The following USP48 variants were observed in gnomAD, a reference collection of about 807,000 sequenced individuals.
The protein encoded by USP48 is ubiquitin carboxyl-terminal hydrolase 48.
USP48 carries 43 observed loss-of-function variants against 150.7 expected under a neutral mutation model. That is an observed-to-expected ratio of 0.29 (90% CI 0.22 to 0.37). USP48 has a LOEUF of 0.37. USP48 is among the 10% of genes least tolerant of loss of function. USP48 has a pLI of 1.00. For missense variants in USP48, 813 were observed against 1,249.6 expected, an observed-to-expected ratio of 0.65 and a Z score of 5.27; for synonymous variants, 396 against 425.9, an observed-to-expected ratio of 0.93 and a Z score of 0.86.
chr1:21,716,342 G>C lies in USP48; in HGVS notation c.1895-885C>G, dbSNP rs527971596. On this transcript the variant is annotated intron_variant, in intron 14 of 26. Transcript: ENST00000308271. ...TACAGTCAATCTGAGCACCAAGAGG[G>C]TTGCTAGGTGACCAGTCAGTAGCAT... is the stretch of plus-strand genomic sequence containing the variant. 3.9e-5 allele frequency among the ~76,000 whole-genome samples: 6 copies of C among 152,268 alleles called. No homozygotes were observed. The South Asian group carries it at 1.2e-3, about 32-fold the overall frequency.
chr1:21,689,857 A>G, intron 24 of USP48, 117 bp downstream of exon 24: 1 of 1,401,942 alleles, frequency 7.1e-7, no homozygotes. Context: ...GCAGTCATTT[A>G]TCACTACCCT....
chr1:21,759,617 G>C (rs1223955256), intron 1 of USP48, among the ~76,000 whole-genome samples: 2 of 152,156 alleles, frequency 1.3e-5, no homozygotes, highest in Non-Finnish European at 2.9e-5. Flanking sequence ...CATGTCAAAA[G>C]AGCACAAGAG....
intron 14 of USP48, among the ~76,000 whole-genome samples, chr1:21,716,332 C>T (rs1390894195): frequency 6.6e-6 from 1 of 152,078 alleles, no homozygotes; most frequent in East Asian, 1.9e-4. Context: ...TCAATCTGAG[C>T]ACCAAGAGGG....
At chr1:21,741,959 G>A (rs2097782790) in intron 8 of USP48, among the ~76,000 whole-genome samples, 2 of 152,194 alleles carry the variant, frequency 1.3e-5, no homozygotes, top group South Asian at 4.1e-4. Context: ...CTCGGTGACA[G>A]AGCAAGACCA....
intron 23 of USP48, among the ~76,000 whole-genome samples, chr1:21,690,591 A>G (rs1340151811): frequency 6.6e-6 from 1 of 151,710 alleles, no homozygotes; most frequent in Non-Finnish European, 1.5e-5. Context: ...TGGCGCGATC[A>G]TGGCTCATTG....
At chr1:21,690,267 G>C (rs1451221902) in intron 23 of USP48, among the ~76,000 whole-genome samples, 168 bp from the exon 24 acceptor site, 1 of 151,498 alleles carries the variant, frequency 6.6e-6, no homozygotes, top group African/African-American at 2.4e-5. Context: ...TGAGGCTATC[G>C]TCCCTATATA....
intron 8 of USP48, among the ~76,000 whole-genome samples, chr1:21,741,881 G>A (rs1053705238): frequency 5.3e-5 from 8 of 152,068 alleles, no homozygotes; most frequent in African/African-American, 1.7e-4. Flanking sequence ...GGCTGAGGTG[G>A]GAGGATTGCT....
rs536929920 is a variant in USP48, at chr1:21,707,043, C to A, written c.1964-175G>T. On this transcript the variant is annotated intron_variant, in intron 15 of 26. Transcript: ENST00000308271. Reference sequence around the variant, plus strand: ...TCAAAAACTTCTGAATTTCCGATTTCATTTTAATTCTAAAGGAGGTAGCCA... The same window carrying A: ...TCAAAAACTTCTGAATTTCCGATTTAATTTTAATTCTAAAGGAGGTAGCCA... 1.1e-4 allele frequency: 85 copies of A among 787,134 alleles called. No homozygotes were observed. In the African/African-American group the frequency reaches 1.3e-3, roughly 12 times the overall value. 48.8% of individuals were successfully genotyped at this position (787,134 alleles called of 1,614,324 possible). A position where few individuals can be genotyped will look rare whatever the true frequency, so the allele number is the denominator to read the frequency against.
At chr1:21,715,698 T>A (rs2097702283) in intron 14 of USP48, among the ~76,000 whole-genome samples, 2 of 152,316 alleles carry the variant, frequency 1.3e-5, no homozygotes, top group Non-Finnish European at 2.9e-5. Flanking sequence ...GAAAATGTGC[T>A]TTTTTAAATT....
intron 22 of USP48, among the ~76,000 whole-genome samples, chr1:21,696,399 C>T (rs1316572896): frequency 6.6e-6 from 1 of 152,232 alleles, no homozygotes; most frequent in Non-Finnish European, 1.5e-5. Context: ...GATTGCGCCA[C>T]TGCACTCCAG....
At chr1:21,706,361 A>G in intron 17 of USP48, 106 bp downstream of exon 17, 1 of 1,547,776 alleles carries the variant, frequency 6.5e-7, no homozygotes, top group Non-Finnish European at 8.8e-7. Flanking sequence ...AACTAAACAA[A>G]TGAGAATATG....
intron 14 of USP48, 61 bp from the exon 15 acceptor site, chr1:21,715,518 AG>A: frequency 8.9e-7 from 1 of 1,118,248 alleles, no homozygotes; most frequent in South Asian, 1.3e-5. Context: ...AGTTGAAAGT[AG>A]CAGATATACT....
chr1:21,690,679 A>G (rs1248422356), intron 23 of USP48, among the ~76,000 whole-genome samples: 1 of 151,800 alleles, frequency 6.6e-6, no homozygotes. Flanking sequence ...GTGTGCTACC[A>G]TGTCTGGCGG....
chr1:21,715,307 T>C (rs755327240), intron 15 of USP48, 82 bp downstream of exon 15: 45 of 1,064,456 alleles, frequency 4.2e-5, no homozygotes, highest in Non-Finnish European at 5.5e-5. Context: ...ATGTGAGAGA[T>C]ACTGGCATGA....
intron 1 of USP48, among the ~76,000 whole-genome samples, chr1:21,766,462 T>C (rs2097862495): frequency 6.6e-6 from 1 of 152,172 alleles, no homozygotes; most frequent in Non-Finnish European, 1.5e-5. Flanking sequence ...TTCTATAATA[T>C]ATTGACTATA....
chr1:21,776,286 T>C (rs2097898064), intron 1 of USP48, among the ~76,000 whole-genome samples: 1 of 152,136 alleles, frequency 6.6e-6, no homozygotes, highest in Non-Finnish European at 1.5e-5. Context: ...CTTTCAGAAA[T>C]GTAAACAGTC....
chr1:21,679,299 C>G lies in USP48; in HGVS notation c.*118G>C. On this transcript the variant is annotated 3_prime_UTR_variant, in exon 27 of 27. Coordinates refer to ENST00000308271, the MANE Select transcript of USP48 (RefSeq NM_032236.8). ...CAGTCACGTTTGAATGGATTTCTGC[C>G]TTTTGGAAGGGGCATGTAATGGTTT... The G allele has an allele frequency of 7.5e-7, 1 of 1,330,120 alleles. No homozygotes were observed. The highest frequency in any genetic ancestry group is 2.3e-5 in the East Asian group (1 of 43,366). The allele number at this position is 1,330,120 out of a possible 1,614,324, so 82.4% of individuals were successfully genotyped here. A position where few individuals can be genotyped will look rare whatever the true frequency, so the allele number is the denominator to read the frequency against.
rs369053134 is a variant in USP48 at position 21,782,662 on chromosome 1, T to C, written c.134+162A>G. ...CGCGCACAGCCCGGGAAGCCTGCGT[T>C]TCCCAGGTCGCGCAGACGGCGCAAA... On this transcript the variant is annotated intron_variant, in intron 1 of 26. Transcript: ENST00000308271. 2.1e-3 allele frequency among the ~76,000 whole-genome samples: 327 copies of C among 152,344 alleles called. 2 individuals carry two copies. Among genetic ancestry groups the C allele is most frequent in the African/African-American group, 6.9e-3 (287 of 41,590 alleles).
intron 19 of USP48, among the ~76,000 whole-genome samples, chr1:21,704,940 A>G (rs1003900863): frequency 2.6e-5 from 4 of 152,242 alleles, no homozygotes; most frequent in South Asian, 2.1e-4. Flanking sequence ...TTGCAATAAC[A>G]ACGACAGGAA....
Sources: allele counts gnomAD v4.1 joint callset (sites outside exome capture counted in the v4.1 genomes callset), GRCh38; gene constraint gnomAD v4.1.1; transcripts MANE v1.5; gene names NCBI Gene and HGNC (gene_info 2026-07-23, HGNC 2026-07-21).